The following VCL variants were observed in gnomAD, a reference collection of about 807,000 sequenced individuals.
VCL encodes the protein vinculin, also known as epididymis luminal protein 114.
VCL carries 47 observed loss-of-function variants against 125.7 expected under a neutral mutation model. The observed-to-expected ratio is 0.37, with a 90% confidence interval of 0.30 to 0.48. The LOEUF is 0.48. Among genes scored for constraint, VCL ranks in the 20% least tolerant of loss-of-function variants. The probability of loss-of-function intolerance (pLI) is 0.99; values close to 1 mark genes in which losing one functional copy is unlikely to be tolerated. For missense variants in VCL, 1,069 were observed against 1,455.5 expected (o/e 0.73, Z 4.32); for synonymous variants, 458 against 514.6 (o/e 0.89, Z 1.49).
intron 2 of VCL, among the ~76,000 whole-genome samples, chr10:74,055,095 T>A (rs1022232440): frequency 5.3e-5 from 8 of 150,612 alleles, no homozygotes; most frequent in African/African-American, 2.0e-4. Flanking sequence ...AGGTCAGGAG[T>A]TCAAGACCAG....
At chr10:74,089,867 C>T (rs1251790441) in intron 9 of VCL, among the ~76,000 whole-genome samples, 156 bp from the exon 10 acceptor site, 1 of 151,456 alleles carries the variant, frequency 6.6e-6, no homozygotes, top group Non-Finnish European at 1.5e-5. Flanking sequence ...GATTGAGTTT[C>T]TTATCTAAGA....
Position 74,104,888 on chromosome 10 carries a change from G to A in VCL, c.2132-163G>A, listed in dbSNP as rs1840108354. 5.1e-6 allele frequency: 4 copies of A among 785,332 alleles called. No homozygotes were observed. In the South Asian group the frequency reaches 5.4e-5, roughly 11 times the overall value. The allele number at this position is 785,332 out of a possible 1,614,324, so 48.6% of individuals were successfully genotyped here. On this transcript the variant is annotated intron_variant, in intron 15 of 21. Coordinates refer to ENST00000211998, the MANE Select transcript of VCL (RefSeq NM_014000.3). ...TATGTCCTCACTGTTTTTTTTAACT[G>A]TGGTGTTTACCTGGAAGCTTTTGAT...
At chr10:74,027,154 G>A (rs1456189602) in intron 1 of VCL, among the ~76,000 whole-genome samples, 4 of 152,128 alleles carry the variant, frequency 2.6e-5, no homozygotes, top group Non-Finnish European at 4.4e-5. Context: ...GGGAGAAGAT[G>A]GGGACTGTTT....
At chr10:74,021,985 T>C (rs1840677120) in intron 1 of VCL, among the ~76,000 whole-genome samples, 1 of 152,200 alleles carries the variant, frequency 6.6e-6, no homozygotes, top group South Asian at 2.1e-4. Context: ...TTCTTAAGTA[T>C]AGCTCTGATC....
At chr10:74,053,468 A>T (rs1046329177) in intron 2 of VCL, among the ~76,000 whole-genome samples, 1 of 151,832 alleles carries the variant, frequency 6.6e-6, no homozygotes, top group African/African-American at 2.4e-5. Flanking sequence ...TATCGCTCTT[A>T]TTAGAGATTT....
At chr10:74,021,284 C>A (rs184683543) in intron 1 of VCL, among the ~76,000 whole-genome samples, 70 of 152,076 alleles carry the variant, frequency 4.6e-4, no homozygotes, top group African/African-American at 1.6e-3. Context: ...CTGTTTCCAC[C>A]CCTCCTTTCT....
intron 1 of VCL, among the ~76,000 whole-genome samples, chr10:73,999,224 G>T (rs1243223001): frequency 6.6e-6 from 1 of 152,204 alleles, no homozygotes; most frequent in Non-Finnish European, 1.5e-5. Flanking sequence ...CAGGAAGCAA[G>T]ATGGAGCTGT....
chr10:74,059,817 G>T (rs1004822376), intron 2 of VCL, among the ~76,000 whole-genome samples: 3 of 152,190 alleles, frequency 2.0e-5, no homozygotes, highest in African/African-American at 7.2e-5. Flanking sequence ...GCATGTAATA[G>T]TTCCTCAATA....
chr10:74,016,768 A>G (rs1255193105), intron 1 of VCL: 2 of 152,106 alleles, frequency 1.3e-5, no homozygotes, highest in Non-Finnish European at 2.9e-5. Context: ...AACCATTACC[A>G]TCACATACCT....
At chr10:74,082,217 G>A (rs1399657895) in intron 6 of VCL, among the ~76,000 whole-genome samples, 2 of 152,124 alleles carry the variant, frequency 1.3e-5, no homozygotes, top group Admixed American at 6.5e-5. Flanking sequence ...TTTAGCAATA[G>A]GGAACCCAAT....
chr10:74,034,772 CA>C (rs1318687350), intron 1 of VCL, among the ~76,000 whole-genome samples: 17 of 152,182 alleles, frequency 1.1e-4, no homozygotes, highest in Non-Finnish European at 2.5e-4. Flanking sequence ...GAATGATGTA[CA>C]AAGGATATCA....
At chr10:74,087,459 C>T (rs1839802179) in intron 8 of VCL, among the ~76,000 whole-genome samples, 1 of 148,468 alleles carries the variant, frequency 6.7e-6, no homozygotes, top group Admixed American at 6.7e-5. Context: ...CATTCTCCTG[C>T]CTCAGCCTAC....
rs1841129009 is a variant in VCL, at chr10:74,043,235, C to A, written c.239+82C>A. 6 of 1,283,910 alleles carry A rather than the reference C, an allele frequency of 4.7e-6. No individual in the cohort carries two copies. The South Asian group carries it at 6.3e-5, about 14-fold the overall frequency. 79.5% of individuals were successfully genotyped at this position (1,283,910 alleles called of 1,614,324 possible). A position where few individuals can be genotyped will look rare whatever the true frequency, so the allele number is the denominator to read the frequency against. ...AAAAAGTAGCTGATTTCAGTAACAA[C>A]TTTTTTTTGGTATAAAACTTTTGTT... is the stretch of plus-strand genomic sequence containing the variant. On this transcript the variant is annotated intron_variant, in intron 2 of 21. Coordinates refer to ENST00000211998, the MANE Select transcript of VCL (RefSeq NM_014000.3).
At chr10:74,025,736 G>C (rs938042638) in intron 1 of VCL, among the ~76,000 whole-genome samples, 2 of 151,400 alleles carry the variant, frequency 1.3e-5, no homozygotes, top group Non-Finnish European at 2.9e-5. Context: ...GGAGGTTTAG[G>C]ATTAGAGTGT....
intron 14 of VCL, among the ~76,000 whole-genome samples, chr10:74,101,554 T>G (rs968243768): frequency 7.1e-6 from 1 of 141,046 alleles, no homozygotes; most frequent in Non-Finnish European, 1.5e-5. Context: ...TTTTTTTTTT[T>G]TTTTTTTTTT....
intron 16 of VCL, among the ~76,000 whole-genome samples, chr10:74,105,918 T>TAGTGCTGGGATTACAGGTGTGAGCCACCG (rs1564533248): frequency 8.8e-5 from 13 of 147,570 alleles, no homozygotes; most frequent in African/African-American, 2.8e-4. Flanking sequence ...TGCGCTTTTT[T>TAGTGCTGGGATTACAGGTGTGAGCCACCG]TTTTTTTTTT....
chr10:74,103,878 AT>A lies in VCL; in HGVS notation c.2085del (p.Phe695LeufsTer4), dbSNP rs1564532399. On this transcript the variant is annotated frameshift_variant, in exon 15 of 22. Coordinates refer to ENST00000211998, the MANE Select transcript of VCL (RefSeq NM_014000.3). LOFTEE classifies it high-confidence loss of function. ...CCTGGAAATCAAGCTGCTTATGAAC[AT>A]TTTGAGACCATGAAGAACCAGTGGA... ...RNPGNQAAYE[H>X]FETMKNQWID... 6.2e-7 allele frequency: 1 copy of A among 1,614,204 alleles called. No individual in the cohort carries two copies. The highest frequency in any genetic ancestry group is 8.5e-7 in the Non-Finnish European group (1 of 1,180,026).
chr10:74,101,617 GCA>G (rs1840059758), intron 14 of VCL, among the ~76,000 whole-genome samples: 1 of 143,708 alleles, frequency 7.0e-6, no homozygotes, highest in African/African-American at 2.6e-5. Context: ...CTGCAGTGGC[GCA>G]ATCTCGGCTC....
chr10:73,998,393 G>C lies in VCL; in HGVS notation c.168+18G>C. On this transcript the variant is annotated intron_variant, in intron 1 of 21. Coordinates refer to ENST00000211998, the MANE Select transcript of VCL (RefSeq NM_014000.3). ...TCGTCCGGGTGAGCGCGCAGGGCCT[G>C]GCGCGGGAGCGGGCGCGGGAGGTAT... 6.8e-7 allele frequency: 1 copy of C among 1,464,120 alleles called. No individual in the cohort carries two copies. Among genetic ancestry groups the C allele is most frequent in the Admixed American group, 2.6e-5 (1 of 38,680 alleles). 90.7% of individuals were successfully genotyped at this position (1,464,120 alleles called of 1,614,324 possible).
Sources: allele counts gnomAD v4.1 joint callset (sites outside exome capture counted in the v4.1 genomes callset), GRCh38; gene constraint gnomAD v4.1.1; transcripts MANE v1.5; gene names NCBI Gene and HGNC (gene_info 2026-07-23, HGNC 2026-07-21).